Variants in OCIAD1 observed in about 807,000 individuals in gnomAD.
The protein encoded by OCIAD1 is OCIA domain-containing protein 1.
A neutral mutation model predicts 38.9 loss-of-function variants in OCIAD1; 29 were observed. The ratio of observed to expected loss-of-function variants is 0.74; its 90% CI spans 0.55 to 1.02. OCIAD1 has a LOEUF of 1.02. Ranked by LOEUF, OCIAD1 falls within the 50% of genes least tolerant of loss-of-function variation. The probability of loss-of-function intolerance (pLI) is 0.00; values close to 1 mark genes in which losing one functional copy is unlikely to be tolerated. For missense variants in OCIAD1, 288 were observed against 289.6 expected (o/e 0.99, Z 0.04); for synonymous variants, 110 against 92.0 (o/e 1.20, Z -1.12).
chr4:48,844,547 C>T (rs1163900220), intron 4 of OCIAD1, among the ~76,000 whole-genome samples: 6 of 151,972 alleles, frequency 3.9e-5, no homozygotes, highest in South Asian at 2.1e-4. Flanking sequence ...ACCCAGGTGG[C>T]GGAGGCTGCA....
intron 1 of OCIAD1, 85 bp from the exon 2 acceptor site, chr4:48,832,535 A>G (rs1356358082): frequency 2.1e-6 from 2 of 941,482 alleles, no homozygotes; most frequent in Non-Finnish European, 3.5e-6. Context: ...GTAGACTAGT[A>G]GTTTTACTAT....
chr4:48,833,271 A>C (rs1777687799), intron 2 of OCIAD1, 130 bp from the exon 3 acceptor site: 1 of 623,024 alleles, frequency 1.6e-6, no homozygotes, highest in Non-Finnish European at 2.8e-6. Context: ...AAAAAAGTGC[A>C]TAAGCCAGTT....
In OCIAD1 at chr4:48,861,561, C is replaced by T. The variant is rs1780595962; in HGVS notation, c.*799C>T. On this transcript the variant is annotated 3_prime_UTR_variant, in exon 9 of 9. Coordinates refer to ENST00000264312, the MANE Select transcript of OCIAD1 (RefSeq NM_017830.4). ...ATTAGCTGGCGATGGTGTCGTGTGC[C>T]TGTAGTCCTAGTTACTTAAGAGGCT... is the stretch of plus-strand genomic sequence containing the variant. 1 of 152,052 alleles carries T rather than the reference C, an allele frequency of 6.6e-6. No individual in the cohort carries two copies. The highest frequency in any genetic ancestry group is 2.4e-5 in the African/African-American group (1 of 41,358). 9.4% of individuals were successfully genotyped at this position (152,052 alleles called of 1,614,324 possible).
chr4:48,850,053 A>C lies in OCIAD1; in HGVS notation c.348A>C (p.Ser116=), dbSNP rs781211184. The change falls in exon 6 of 9, where the codon TCA becomes TCC. Residue 116 remains serine, a synonymous_variant. Coordinates refer to ENST00000264312, the MANE Select transcript of OCIAD1 (RefSeq NM_017830.4). ...CCCCCCTTGGAGAAGCTTTACGATC[A>C]GGACAAGCACGACGATCTTCACCAC... The part of the protein sequence containing the change: ...ENSPLGEALR[S]GQARRSSPPG... The C allele has an allele frequency of 6.2e-7, 1 of 1,611,622 alleles. No homozygotes were observed. Among genetic ancestry groups the C allele is most frequent in the Admixed American group, 1.7e-5 (1 of 59,464 alleles).
intron 6 of OCIAD1, among the ~76,000 whole-genome samples, chr4:48,850,695 T>C (rs1003154636): frequency 1.3e-5 from 2 of 152,150 alleles, no homozygotes; most frequent in African/African-American, 4.8e-5. Flanking sequence ...TCCCTCAGCC[T>C]CTGGAGTAGC....
intron 3 of OCIAD1, among the ~76,000 whole-genome samples, chr4:48,838,790 T>C (rs1778248603): frequency 1.3e-5 from 2 of 152,362 alleles, no homozygotes; most frequent in South Asian, 2.1e-4. Flanking sequence ...TATCCTCTTC[T>C]AAAATTAGAC....
rs62310901 is a variant in OCIAD1, at chr4:48,819,968, C to A, written c.-102-10609C>A. On this transcript the variant is annotated intron_variant, in intron 1 of 6. Transcript: ENST00000504654. ...ATAATAATGGGAGACTTTAACACCCCACTGTCAATATTAGACAGATCAATG... is the reference window on the plus strand; with the variant it reads ...ATAATAATGGGAGACTTTAACACCCAACTGTCAATATTAGACAGATCAATG... Among the ~76,000 whole-genome samples the A allele has an allele frequency of 5.6e-3, 850 of 152,188 alleles. 8 individuals are homozygous for A. The highest frequency in any genetic ancestry group is 0.02 in the Admixed American group (305 of 15,268).
intron 7 of OCIAD1, chr4:48,852,515 C>G (rs1191317627): frequency 6.6e-6 from 1 of 152,190 alleles, no homozygotes; most frequent in Non-Finnish European, 1.5e-5. Flanking sequence ...GTAAGTGCAA[C>G]AACATCAATT....
chr4:48,813,515 G>A (rs566471054), intron 1 of OCIAD1, among the ~76,000 whole-genome samples: 15 of 152,304 alleles, frequency 9.8e-5, no homozygotes, highest in Middle Eastern at 3.4e-3. Flanking sequence ...TTAGTTGGGC[G>A]TAGTGGCATG....
intron 5 of OCIAD1, 67 bp from the exon 6 acceptor site, chr4:48,849,880 C>T (rs1579094605): frequency 2.8e-6 from 4 of 1,423,390 alleles, no homozygotes; most frequent in Non-Finnish European, 3.8e-6. Context: ...ACAAATTTTT[C>T]TTTTAGAAAA....
At chr4:48,815,612 C>T (rs1777136229) in intron 1 of OCIAD1, among the ~76,000 whole-genome samples, 1 of 152,178 alleles carries the variant, frequency 6.6e-6, no homozygotes, top group African/African-American at 2.4e-5. Context: ...TTCTGTGACT[C>T]ATGAACTGAA....
chr4:48,829,617 C>T (rs931489212), upstream of OCIAD1, among the ~76,000 whole-genome samples: 32 of 152,104 alleles, frequency 2.1e-4, no homozygotes, highest in African/African-American at 6.8e-4. Flanking sequence ...TCAAGGAATG[C>T]CTCTCTGATG....
chr4:48,835,593 G>A (rs1247122820), intron 3 of OCIAD1, among the ~76,000 whole-genome samples: 2 of 152,072 alleles, frequency 1.3e-5, no homozygotes, highest in Non-Finnish European at 2.9e-5. Flanking sequence ...CAGCACCTTG[G>A]TTTTGTTTTG....
chr4:48,857,067 A>G (rs1284809354), intron 7 of OCIAD1, 146 bp from the exon 8 acceptor site: 2 of 401,156 alleles, frequency 5.0e-6, no homozygotes, highest in African/African-American at 2.1e-5. Context: ...TGGTGAAAGT[A>G]TAGTACCTGT....
chr4:48,808,494 A>T (rs901190826), intron 1 of OCIAD1, among the ~76,000 whole-genome samples: 31 of 152,184 alleles, frequency 2.0e-4, no homozygotes, highest in African/African-American at 6.7e-4. Context: ...CAAAGAAAAA[A>T]AAAAGGAAAA....
chr4:48,836,266 T>A (rs1777979587), intron 3 of OCIAD1, among the ~76,000 whole-genome samples: 1 of 152,146 alleles, frequency 6.6e-6, no homozygotes, highest in Admixed American at 6.6e-5. Flanking sequence ...AAAGACTTTT[T>A]AAAGGACAAA....
chr4:48,852,864 A>C (rs1325214752), intron 7 of OCIAD1, among the ~76,000 whole-genome samples: 1 of 111,596 alleles, frequency 9.0e-6, no homozygotes, highest in East Asian at 2.6e-4. Context: ...GTTTAAGCCA[A>C]GTTTTTTTTT....
At chr4:48,820,678 A>C (rs1485230465) in intron 1 of OCIAD1, among the ~76,000 whole-genome samples, 1 of 152,220 alleles carries the variant, frequency 6.6e-6, no homozygotes, top group Non-Finnish European at 1.5e-5. Flanking sequence ...GAAAAGAGAG[A>C]AGAATCAAAT....
chr4:48,811,277 A>G (rs1407657234), intron 1 of OCIAD1, among the ~76,000 whole-genome samples: 1 of 152,138 alleles, frequency 6.6e-6, no homozygotes. Context: ...TACTCTTAAC[A>G]CAGTAGCCAG....
Sources: gnomAD v4.1 joint callset for allele counts (sites outside exome capture counted in the v4.1 genomes callset) on GRCh38, gnomAD v4.1.1 for gene constraint, MANE v1.5 for transcripts, NCBI Gene and HGNC (gene_info 2026-07-23, HGNC 2026-07-21) for gene names.